The following CALCR variants were observed in gnomAD, a reference collection of about 807,000 sequenced individuals.
CALCR encodes the protein calcitonin receptor.
Under a neutral mutation model 59.5 loss-of-function variants are expected in CALCR, and 47 were observed. The observed-to-expected ratio is 0.79, with a 90% CI of 0.63 to 1.01. The LOEUF is 1.01. CALCR is among the 50% of genes least tolerant of loss of function. The probability of loss-of-function intolerance (pLI) is 0.00; values close to 1 mark genes in which losing one functional copy is unlikely to be tolerated. For missense variants in CALCR, 566 were observed against 597.1 expected, an observed-to-expected ratio of 0.95 and a Z score of 0.54; for synonymous variants, 213 against 211.3, an observed-to-expected ratio of 1.01 and a Z score of -0.07.
intron 2 of CALCR, among the ~76,000 whole-genome samples, chr7:93,535,897 A>G (rs1202900541): frequency 6.6e-6 from 1 of 151,808 alleles, no homozygotes; most frequent in African/African-American, 2.4e-5. Context: ...TAATATGTAA[A>G]GTTCTCTGGT....
chr7:93,501,267 T>A (rs1164323679), intron 2 of CALCR, among the ~76,000 whole-genome samples: 4 of 152,082 alleles, frequency 2.6e-5, no homozygotes, highest in African/African-American at 9.7e-5. Context: ...ATTTTTCAGG[T>A]GAACTGAACA....
At chr7:93,504,396 G>A (rs1021301182) in intron 2 of CALCR, among the ~76,000 whole-genome samples, 7 of 152,186 alleles carry the variant, frequency 4.6e-5, no homozygotes, top group African/African-American at 1.4e-4. Flanking sequence ...AATAGACCAT[G>A]AGATAGTTTC....
intron 3 of CALCR, among the ~76,000 whole-genome samples, chr7:93,483,468 GATAGAT>G (rs1314746523): frequency 6.7e-6 from 1 of 149,080 alleles, no homozygotes; most frequent in Non-Finnish European, 1.5e-5. Flanking sequence ...CAGACAGATA[GATAGAT>G]ATAAACATAT....
At chr7:93,502,561 C>T (rs1224814011) in intron 2 of CALCR, among the ~76,000 whole-genome samples, 1 of 152,056 alleles carries the variant, frequency 6.6e-6, no homozygotes, top group East Asian at 1.9e-4. Flanking sequence ...CTGTAAACAA[C>T]TCTATATGCC....
chr7:93,554,792 T>TATATATATA (rs60870213), intron 2 of CALCR, among the ~76,000 whole-genome samples: 26 of 135,766 alleles, frequency 1.9e-4, no homozygotes, highest in Middle Eastern at 7.6e-3. Flanking sequence ...TATATATATA[T>TATATATATA]TATACGTACA....
At chr7:93,565,074 G>A (rs1490793574) in intron 2 of CALCR, among the ~76,000 whole-genome samples, 1 of 152,120 alleles carries the variant, frequency 6.6e-6, no homozygotes, top group Admixed American at 6.6e-5. Flanking sequence ...CTGTCTTTGA[G>A]GTCATCTATA....
At chr7:93,538,100 C>A (rs990890181) in intron 2 of CALCR, among the ~76,000 whole-genome samples, 2 of 151,916 alleles carry the variant, frequency 1.3e-5, no homozygotes, top group African/African-American at 4.8e-5. Flanking sequence ...GAACATATAA[C>A]AAGAGACTAA....
intron 7 of CALCR, among the ~76,000 whole-genome samples, chr7:93,467,833 A>T (rs909407398): frequency 2.0e-5 from 3 of 151,734 alleles, no homozygotes; most frequent in African/African-American, 7.2e-5. Context: ...TATCAAACAC[A>T]TATTTCACTT....
intron 3 of CALCR, among the ~76,000 whole-genome samples, chr7:93,485,709 T>A (rs371039820): frequency 6.6e-6 from 1 of 151,580 alleles, no homozygotes; most frequent in East Asian, 2.0e-4. Context: ...TTGTTTAGTG[T>A]TTTTATTATA....
rs57128008 is a variant in CALCR at position 93,532,838 on chromosome 7, C to CAA, written c.-27+41449_-27+41450dup. On this transcript the variant is annotated intron_variant, in intron 2 of 13. Coordinates refer to ENST00000426151, the MANE Select transcript of CALCR (RefSeq NM_001742.4). Reference sequence around the variant, plus strand: ...TAGCCTTGATTCCTCATGTCCAAAGCAAAAAAAAAAAAAAAAAAAAAAAAA... The same window carrying CAA: ...TAGCCTTGATTCCTCATGTCCAAAGCAAAAAAAAAAAAAAAAAAAAAAAAAAA... 3.2e-3 allele frequency among the ~76,000 whole-genome samples: 310 copies of CAA among 95,606 alleles called. 2 individuals carry two copies. The highest frequency in any genetic ancestry group is 6.2e-3 in the Middle Eastern group (1 of 162). The allele number at this position is 95,606 out of a possible 152,430, so 62.7% of individuals were successfully genotyped here.
intron 5 of CALCR, among the ~76,000 whole-genome samples, chr7:93,472,812 A>G (rs1236404817): frequency 2.6e-5 from 4 of 151,810 alleles, no homozygotes; most frequent in Non-Finnish European, 5.9e-5. Flanking sequence ...CAGACTCCAA[A>G]GTGCTACCTA....
intron 2 of CALCR, among the ~76,000 whole-genome samples, chr7:93,515,859 T>C (rs1801639823): frequency 6.6e-6 from 1 of 152,010 alleles, no homozygotes; most frequent in Non-Finnish European, 1.5e-5. Flanking sequence ...CATTAAACAA[T>C]TTTGCTTTTA....
chr7:93,534,955 T>TA (rs1788948475), intron 2 of CALCR, among the ~76,000 whole-genome samples: 1 of 151,760 alleles, frequency 6.6e-6, no homozygotes, highest in East Asian at 1.9e-4. Context: ...GACTGACTCT[T>TA]ACCTTCATCT....
chr7:93,547,856 T>C (rs1194419444), intron 2 of CALCR, among the ~76,000 whole-genome samples: 1 of 152,072 alleles, frequency 6.6e-6, no homozygotes, highest in Non-Finnish European at 1.5e-5. Context: ...CCTCAGAACA[T>C]TGTACGGGGG....
chr7:93,458,575 G>A (rs1263128550), intron 8 of CALCR, among the ~76,000 whole-genome samples: 2 of 152,128 alleles, frequency 1.3e-5, no homozygotes, highest in African/African-American at 4.8e-5. Context: ...CAGCTATGGG[G>A]ACCATCAGTA....
chr7:93,562,930 T>C (rs951779325), intron 2 of CALCR, among the ~76,000 whole-genome samples: 22 of 152,126 alleles, frequency 1.4e-4, no homozygotes, highest in African/African-American at 5.3e-4. Context: ...ATAGAACGTA[T>C]GAAAAATTTA....
intron 9 of CALCR, among the ~76,000 whole-genome samples, chr7:93,441,793 C>A (rs1799912298): frequency 6.6e-6 from 1 of 152,068 alleles, no homozygotes; most frequent in African/African-American, 2.4e-5. Context: ...TTCACAAAGA[C>A]CCCTTTCTCA....
At chr7:93,477,061 G>A (rs1038648473) in intron 5 of CALCR, among the ~76,000 whole-genome samples, 2 of 151,826 alleles carry the variant, frequency 1.3e-5, no homozygotes, top group Non-Finnish European at 2.9e-5. Flanking sequence ...CATTGTTTCA[G>A]GGGTAGACTC....
In CALCR at chr7:93,425,474, A is replaced by G. The variant is rs1175682418; in HGVS notation, c.*882T>C. 9 of 152,580 alleles carry G rather than the reference A, an allele frequency of 5.9e-5. No individual in the cohort carries two copies. Among genetic ancestry groups the G allele is most frequent in the Non-Finnish European group, 1.3e-4 (9 of 68,034 alleles). The allele number at this position is 152,580 out of a possible 1,614,324, so 9.5% of individuals were successfully genotyped here. A position where few individuals can be genotyped will look rare whatever the true frequency, so the allele number is the denominator to read the frequency against. On this transcript the variant is annotated 3_prime_UTR_variant, in exon 14 of 14. Transcript: ENST00000426151. ...AATCTGCTTTATAAACCTTGGAGTAATTTGCTTTATAAATCCTGGAGTTTA... is the reference window on the plus strand; with the variant it reads ...AATCTGCTTTATAAACCTTGGAGTAGTTTGCTTTATAAATCCTGGAGTTTA...
Sources: gnomAD v4.1 joint callset for allele counts (sites outside exome capture counted in the v4.1 genomes callset) on GRCh38, gnomAD v4.1.1 for gene constraint, MANE v1.5 for transcripts, NCBI Gene and HGNC (gene_info 2026-07-23, HGNC 2026-07-21) for gene names.